ZFPM2: variants seen among roughly 807,000 people sequenced by gnomAD.
ZFPM2 encodes zinc finger protein, FOG family member 2.
A neutral mutation model predicts 98.6 loss-of-function variants in ZFPM2; 20 were observed. The observed-to-expected ratio is 0.20, with a 90% CI of 0.14 to 0.29. The LOEUF is 0.29. Among genes scored for constraint, ZFPM2 ranks in the 10% least tolerant of loss-of-function variants. The pLI is 1.00. For missense variants in ZFPM2, 1,310 were observed against 1,388.6 expected (o/e 0.94, Z 0.90); for synonymous variants, 518 against 502.7 (o/e 1.03, Z -0.41).
At chr8:105,787,285 T>C in intron 5 of ZFPM2, 1 of 152,246 alleles carries the variant, frequency 6.6e-6, no homozygotes, top group Non-Finnish European at 1.5e-5. Context: ...GTGGTAAACT[T>C]GTATGCTTTC....
chr8:105,342,633 T>C (rs1266158051), intron 1 of ZFPM2, among the ~76,000 whole-genome samples: 1 of 151,726 alleles, frequency 6.6e-6, no homozygotes, highest in Non-Finnish European at 1.5e-5. Flanking sequence ...ATGCAAGTTC[T>C]TAACTTATAT....
At chr8:105,550,992 G>A (rs1814839263) in intron 3 of ZFPM2, among the ~76,000 whole-genome samples, 1 of 152,144 alleles carries the variant, frequency 6.6e-6, no homozygotes, top group South Asian at 2.1e-4. Context: ...ACTAGGAAAT[G>A]GCTGCAGCAT....
chr8:105,381,371 T>TCA (rs1810885666), intron 1 of ZFPM2, among the ~76,000 whole-genome samples: 1 of 152,060 alleles, frequency 6.6e-6, no homozygotes, highest in Non-Finnish European at 1.5e-5. Flanking sequence ...AGCTTTAACG[T>TCA]CACTTCATTC....
At chr8:105,641,063 G>A (rs1268490995) in intron 5 of ZFPM2, among the ~76,000 whole-genome samples, 1 of 151,984 alleles carries the variant, frequency 6.6e-6, no homozygotes, top group Non-Finnish European at 1.5e-5. Context: ...CAGGATATAG[G>A]AGGTACTAAG....
At chr8:105,768,977 G>T (rs941349679) in intron 5 of ZFPM2, among the ~76,000 whole-genome samples, 1 of 151,854 alleles carries the variant, frequency 6.6e-6, no homozygotes, top group Non-Finnish European at 1.5e-5. Context: ...ACAATCTCAT[G>T]AGAAACATTG....
intron 3 of ZFPM2, among the ~76,000 whole-genome samples, chr8:105,544,724 C>A (rs938627793): frequency 6.6e-6 from 1 of 152,306 alleles, no homozygotes; most frequent in South Asian, 2.1e-4. Flanking sequence ...AGCAAAATTA[C>A]TTAAGAAAAG....
At chr8:105,403,220 C>T (rs1030966104) in intron 1 of ZFPM2, among the ~76,000 whole-genome samples, 1 of 152,070 alleles carries the variant, frequency 6.6e-6, no homozygotes, top group African/African-American at 2.4e-5. Flanking sequence ...GTTATACCTA[C>T]TGCTAATTCA....
At chr8:105,712,554 G>A (rs1395062745) in intron 5 of ZFPM2, among the ~76,000 whole-genome samples, 1 of 151,858 alleles carries the variant, frequency 6.6e-6, no homozygotes. Flanking sequence ...TTTTTTTTGT[G>A]TTGTTTAATT....
intron 5 of ZFPM2, among the ~76,000 whole-genome samples, chr8:105,713,937 T>G (rs1456288726): frequency 6.6e-6 from 1 of 152,052 alleles, no homozygotes; most frequent in East Asian, 1.9e-4. Context: ...TTTGGCTACT[T>G]GGGCTCCTTT....
At chr8:105,343,604 A>G (rs1009479634) in intron 1 of ZFPM2, among the ~76,000 whole-genome samples, 1 of 152,162 alleles carries the variant, frequency 6.6e-6, no homozygotes, top group Non-Finnish European at 1.5e-5. Context: ...GCTCAGCATC[A>G]GTAAAATAGC....
chr8:105,793,399 T>C (rs1365070054), intron 6 of ZFPM2, among the ~76,000 whole-genome samples: 1 of 152,214 alleles, frequency 6.6e-6, no homozygotes, highest in Non-Finnish European at 1.5e-5. Context: ...TCTTTAAGAA[T>C]GTTGAATATT....
intron 4 of ZFPM2, among the ~76,000 whole-genome samples, chr8:105,589,990 G>T (rs915017487): frequency 5.9e-5 from 9 of 152,216 alleles, no homozygotes; most frequent in African/African-American, 2.2e-4. Flanking sequence ...AGAGTGCTGG[G>T]ATTACAGGTG....
At chr8:105,624,742 T>C (rs1816619063) in intron 4 of ZFPM2, among the ~76,000 whole-genome samples, 1 of 152,178 alleles carries the variant, frequency 6.6e-6, no homozygotes, top group Non-Finnish European at 1.5e-5. Context: ...GAAATTCCTA[T>C]ATTCAAGCAG....
chr8:105,443,280 G>T (rs144577523), intron 2 of ZFPM2, among the ~76,000 whole-genome samples: 206 of 142,266 alleles, frequency 1.4e-3, no homozygotes, highest in African/African-American at 5.4e-3. Flanking sequence ...TTGCACTCCA[G>T]CCTGAGTGAC....
At chr8:105,524,007 C>A (rs902977722) in intron 3 of ZFPM2, among the ~76,000 whole-genome samples, 1 of 152,122 alleles carries the variant, frequency 6.6e-6, no homozygotes, top group Non-Finnish European at 1.5e-5. Flanking sequence ...TTGTTCACTA[C>A]ATCAATTTAG....
At chr8:105,433,412 A>G (rs926252391) in intron 2 of ZFPM2, among the ~76,000 whole-genome samples, 2 of 152,164 alleles carry the variant, frequency 1.3e-5, no homozygotes, top group African/African-American at 4.8e-5. Context: ...TGATGTTGGT[A>G]AACATAAACA....
chr8:105,326,957 T>C (rs1401844011), intron 1 of ZFPM2, among the ~76,000 whole-genome samples: 2 of 151,438 alleles, frequency 1.3e-5, no homozygotes, highest in East Asian at 3.9e-4. Context: ...AATAAAATGC[T>C]ATATTTTAAT....
chr8:105,332,546 A>G (rs1392962821), intron 1 of ZFPM2, among the ~76,000 whole-genome samples: 1 of 151,796 alleles, frequency 6.6e-6, no homozygotes, highest in African/African-American at 2.4e-5. Flanking sequence ...TCAATAAACA[A>G]ACATATAGTA....
chr8:105,451,953 C>T (rs548505327), intron 3 of ZFPM2, among the ~76,000 whole-genome samples: 1 of 152,142 alleles, frequency 6.6e-6, no homozygotes, highest in African/African-American at 2.4e-5. Flanking sequence ...TGTGTTGAAA[C>T]CTTCAAAAGA....
Sources: gnomAD v4.1 joint callset for allele counts (sites outside exome capture counted in the v4.1 genomes callset) on GRCh38, gnomAD v4.1.1 for gene constraint, MANE v1.5 for transcripts, NCBI Gene and HGNC (gene_info 2026-07-23, HGNC 2026-07-21) for gene names.